KIF12: variants seen among roughly 807,000 people sequenced by gnomAD.
KIF12 encodes the protein kinesin-like protein KIF12.
Under a neutral mutation model 87.9 loss-of-function variants are expected in KIF12, and 80 were observed. That is an observed-to-expected ratio of 0.91 (90% CI 0.76 to 1.10). The LOEUF is 1.10. Among genes scored for constraint, KIF12 ranks in the 50% least tolerant of loss-of-function variants. KIF12 has a pLI of 0.00. For missense variants in KIF12, 819 were observed against 865.3 expected (o/e 0.95, Z 0.67); for synonymous variants, 353 against 348.5 (o/e 1.01, Z -0.14).
intron 14 of KIF12, 141 bp from the exon 15 acceptor site, chr9:114,093,638 T>C: frequency 1.3e-6 from 1 of 759,308 alleles, no homozygotes; most frequent in South Asian, 1.7e-5. Flanking sequence ...GTTAACTTAT[T>C]CTCTCTGATT....
chr9:114,091,889 C>T lies in KIF12; in HGVS notation c.1928G>A (p.Ser643Asn), dbSNP rs746359495. 1.2e-6 allele frequency: 2 copies of T among 1,608,346 alleles called. No homozygotes were observed. The highest frequency in any genetic ancestry group is 2.2e-5 in the East Asian group (1 of 44,674). The change falls in exon 19 of 19, where the codon AGC becomes AAC. Residue 643 changes from serine (S) to asparagine (N), a missense_variant. By Grantham distance (46) the Ser-to-Asn change is conservative. Transcript: ENST00000640217. ...SQPPCSEGAR[S>N]PGQVLPPH Reference sequence around the variant, plus strand: ...ATGGGGAGGGAGGACTTGGCCTGGGCTCCGTGCGCCCTCACTGCAGGGTGG... The same window carrying T: ...ATGGGGAGGGAGGACTTGGCCTGGGTTCCGTGCGCCCTCACTGCAGGGTGG...
Position 114,095,082 on chromosome 9 carries a change from T to C in KIF12, c.1060A>G (p.Ser354Gly). 2 of 1,610,786 alleles carry C rather than the reference T, an allele frequency of 1.2e-6. No individual in the cohort carries two copies. The highest frequency in any genetic ancestry group is 1.7e-6 in the Non-Finnish European group (2 of 1,178,380). The change falls in exon 11 of 19, where the codon AGC (serine) becomes GGC (glycine). Residue 354 changes from serine to glycine, a missense_variant. Physicochemically the swap from Ser to Gly is moderately conservative, Grantham distance 56. Transcript: ENST00000640217. The stretch of plus-strand genomic sequence containing the variant: ...GCTCGGCTTGCATATCGCAGGGTGC[T>C]GAGAGTCTCAGGAAGGCACTGGGCT... Reference protein sequence around the residue: ...PSAQCLPETLSTLRYASRAQR... With the variant: ...PSAQCLPETLGTLRYASRAQR...
chr9:114,093,141 G>T, intron 16 of KIF12, 88 bp downstream of exon 16: 1 of 1,286,600 alleles, frequency 7.8e-7, no homozygotes, highest in South Asian at 1.3e-5. Context: ...TGCAGCCCTG[G>T]AATCCCTGGG....
rs750091717 is a variant in KIF12 at position 114,098,134 on chromosome 9, A to G, written c.356T>C (p.Leu119Pro). 3.9e-6 allele frequency: 6 copies of G among 1,547,842 alleles called. No individual in the cohort carries two copies. In the South Asian group the frequency reaches 7.1e-5, roughly 18 times the overall value. ...GQTGSGKTYTLTGPPPQGEGV... is the reference protein window; with the variant it reads ...GQTGSGKTYTPTGPPPQGEGV... ...GCTCACCTGGGGAGGGGGTCCAGTC[A>G]GGGTGTAGGTCTTCCCAGAGCCCGT... is the stretch of plus-strand genomic sequence containing the variant. Residue 119 changes from leucine (L) to proline (P), a missense_variant, in exon 5 of 19, where the codon CTG becomes CCG. By Grantham distance (98) the Leu-to-Pro change is moderately conservative. Transcript: ENST00000640217.
At chr9:114,093,836 C>T in intron 14 of KIF12, 50 bp downstream of exon 14, 1 of 1,504,426 alleles carries the variant, frequency 6.6e-7, no homozygotes, top group Non-Finnish European at 9.2e-7. Flanking sequence ...TCCCTTTTCC[C>T]AGCTGCCCTC....
chr9:114,098,504 A>AGGGGCGGGGAACCGT, intron 3 of KIF12, 75 bp from the exon 4 acceptor site: 1 of 401,234 alleles, frequency 2.5e-6, no homozygotes, highest in Non-Finnish European at 3.1e-6. Context: ...GGCACCGTGG[A>AGGGGCGGGGAACCGT]GGAGGGCGGG....
rs771169383 is a variant in KIF12, at chr9:114,091,881, G to A, written c.1936C>T (p.Gln646Ter). ...PCSEGARSPG[Q>*]VLPPH is the part of the protein sequence containing the mutation. The stretch of plus-strand genomic sequence containing the variant: ...GGCCTTCAATGGGGAGGGAGGACTT[G>A]GCCTGGGCTCCGTGCGCCCTCACTG... Residue 646 changes from glutamine (Q) to a stop codon, truncating the protein, a stop_gained, in exon 19 of 19, where the codon CAA (glutamine) becomes TAA (stop). Coordinates refer to ENST00000640217, the MANE Select transcript of KIF12 (RefSeq NM_001388308.1). LOFTEE classifies it high-confidence loss of function. The A allele has an allele frequency of 1.0e-5, 16 of 1,606,522 alleles. No homozygotes were observed. The highest frequency in any genetic ancestry group is 1.4e-5 in the Non-Finnish European group (16 of 1,174,660).
In KIF12 at chr9:114,091,990, C is replaced by A; in HGVS notation, c.1827G>T (p.Gly609=). 1 of 1,611,436 alleles carries A rather than the reference C, an allele frequency of 6.2e-7. No homozygotes were observed. The highest frequency in any genetic ancestry group is 8.5e-7 in the Non-Finnish European group (1 of 1,179,394). ...KTSPGLRGGA[G]VPNLAQRLEA... is the part of the protein sequence containing the mutation. ...CCAGTCTCTGGGCCAGGTTTGGAAC[C>A]CCGGCCCCACCTAAGGAGCAGTGAG... The change falls in exon 19 of 19, where the codon GGG becomes GGT. Residue 609 remains glycine (G), a synonymous_variant. Coordinates refer to ENST00000640217, the MANE Select transcript of KIF12 (RefSeq NM_001388308.1).
Position 114,096,200 on chromosome 9 carries a change from T to C in KIF12, c.746A>G (p.Gln249Arg), listed in dbSNP as rs1278394914. The C allele has an allele frequency of 6.2e-7, 1 of 1,613,860 alleles. No individual in the cohort carries two copies. The highest frequency in any genetic ancestry group is 1.1e-5 in the South Asian group (1 of 91,072). The change falls in exon 9 of 19, where the codon CAG becomes CGG. Residue 249 changes from glutamine (Q) to arginine (R), a missense_variant. By Grantham distance (43) the Gln-to-Arg change is conservative. Transcript: ENST00000640217. ...CTCCCCAGGGTCCACAGAAGGCATC[T>C]GCTGGGCCTGAGGGATCAGAGCTTC... ...TLYISRQTAQ[Q>R]MPSVDPGEPP... is the part of the protein sequence containing the mutation.
intron 3 of KIF12, 78 bp from the exon 4 acceptor site, chr9:114,098,507 AG>A: frequency 5.2e-6 from 2 of 387,136 alleles, no homozygotes; most frequent in African/African-American, 1.3e-4. Flanking sequence ...ACCGTGGAGG[AG>A]GGCGGGGCAC....
Position 114,093,746 on chromosome 9 carries a change from C to T in KIF12, c.1400+140G>A, listed in dbSNP as rs1028640704. 4 of 733,724 alleles carry T rather than the reference C, an allele frequency of 5.5e-6. No homozygotes were observed. In the Admixed American group the frequency reaches 9.6e-5, roughly 18 times the overall value. 45.5% of individuals were successfully genotyped at this position (733,724 alleles called of 1,614,324 possible). ...GTTAAATGACTTGCCCCAGGTGACA[C>T]AGCTAGTAGGTGGCAGAGCTGGAAA... On this transcript the variant is annotated intron_variant, in intron 14 of 18. Transcript: ENST00000640217.
At chr9:114,096,241 G>C (rs777012024) in intron 8 of KIF12, 34 bp from the exon 9 acceptor site, 23 of 1,611,656 alleles carry the variant, frequency 1.4e-5, no homozygotes, top group Non-Finnish European at 2.0e-5. Context: ...GACTTGGGAG[G>C]GACCGTCCCC....
chr9:114,096,301 T>C (rs1419906607), intron 8 of KIF12, 86 bp downstream of exon 8: 1 of 1,599,046 alleles, frequency 6.3e-7, no homozygotes, highest in African/African-American at 1.3e-5. Flanking sequence ...TTAACCCCCA[T>C]GCACACCCAA....
At chr9:114,098,460 C>CTCTGGAGGAGGGCGGGGCAT in intron 3 of KIF12, 31 bp from the exon 4 acceptor site, 1 of 1,475,428 alleles carries the variant, frequency 6.8e-7, no homozygotes, top group African/African-American at 1.5e-5. Context: ...GAGCGGGGCA[C>CTCTGGAGGAGGGCGGGGCAT]TCTGGAGGAG....
In KIF12 at chr9:114,097,352, G is replaced by A; in HGVS notation, c.595C>T (p.Arg199Trp). 1.2e-6 allele frequency: 2 copies of A among 1,610,678 alleles called. No homozygotes were observed. Among genetic ancestry groups the A allele is most frequent in the East Asian group, 2.2e-5 (1 of 44,788 alleles). Residue 199 changes from arginine (R) to tryptophan (W), a missense_variant, in exon 7 of 19, where the codon CGG becomes TGG. Transcript: ENST00000640217. Reference sequence around the variant, plus strand: ...TCCAGACTCCCAAATTCCACCACCCGCAGCTGCTCCACATAGAAGCCCCGA... The same window carrying A: ...TCCAGACTCCCAAATTCCACCACCCACAGCTGCTCCACATAGAAGCCCCGA... Reference protein sequence around the residue: ...KTRGFYVEQLRVVEFGSLEAL... With the variant: ...KTRGFYVEQLWVVEFGSLEAL...
At chr9:114,098,623 G>A (rs1847348528) in intron 3 of KIF12, among the ~76,000 whole-genome samples, 194 bp from the exon 4 acceptor site, 1 of 142,680 alleles carries the variant, frequency 7.0e-6, no homozygotes, top group Non-Finnish European at 1.5e-5. Context: ...TGGGGGTGGG[G>A]TGGGGGACAC....
chr9:114,097,489 T>A (rs3810929), intron 6 of KIF12, 53 bp from the exon 7 acceptor site: 2 of 1,573,348 alleles, frequency 1.3e-6, no homozygotes, highest in Non-Finnish European at 1.7e-6. Context: ...AGTCCACCCA[T>A]CCCCAGATCT....
intron 5 of KIF12, 77 bp from the exon 6 acceptor site, chr9:114,097,818 C>T (rs1204930127): frequency 2.0e-6 from 3 of 1,470,438 alleles, no homozygotes; most frequent in South Asian, 2.6e-5. Flanking sequence ...TGATACCGTG[C>T]GCCGGGAAAC....
intron 9 of KIF12, 81 bp downstream of exon 9, chr9:114,095,970 C>T (rs1174057822): frequency 1.4e-6 from 2 of 1,447,302 alleles, no homozygotes; most frequent in Admixed American, 2.2e-5. Context: ...TACAACTCCT[C>T]TGGTATCCCC....
Sources: allele counts gnomAD v4.1 joint callset (sites outside exome capture counted in the v4.1 genomes callset), GRCh38; gene constraint gnomAD v4.1.1; transcripts MANE v1.5; gene names NCBI Gene and HGNC (gene_info 2026-07-23, HGNC 2026-07-21).